Variants in MGAM observed in about 807,000 individuals in gnomAD.
MGAM encodes maltase-glucoamylase, also known as alpha-1,4-glucosidase.
A neutral mutation model predicts 358.8 loss-of-function variants in MGAM; 253 were observed. The ratio of observed to expected loss-of-function variants is 0.71; its 90% CI spans 0.64 to 0.78. The LOEUF (loss-of-function observed/expected upper bound fraction) is 0.78. Among genes scored for constraint, MGAM ranks in the 30% least tolerant of loss-of-function variants. MGAM has a pLI of 0.00. For missense variants in MGAM, 3,080 were observed against 3,432.6 expected, an observed-to-expected ratio of 0.90 and a Z score of 2.57; for synonymous variants, 1,105 against 1,227.1, an observed-to-expected ratio of 0.90 and a Z score of 2.08.
rs1813020883 is a variant in MGAM, at chr7:142,068,263, C to T, written c.5005-384C>T. Among the ~76,000 whole-genome samples the T allele has an allele frequency of 1.4e-5, 2 of 141,348 alleles. 1 individual carries two copies. 92.7% of individuals were successfully genotyped at this position (141,348 alleles called of 152,430 possible). A position where few individuals can be genotyped will look rare whatever the true frequency, so the allele number is the denominator to read the frequency against. On this transcript the variant is annotated intron_variant, in intron 42 of 70. Coordinates refer to ENST00000475668, the MANE Select transcript of MGAM (RefSeq NM_001365693.1). ...CTGCCTGACTTGGACTCCCAAAGAGCTGGGATTACAGGCATGAGCCATCGC... is the reference window on the plus strand; with the variant it reads ...CTGCCTGACTTGGACTCCCAAAGAGTTGGGATTACAGGCATGAGCCATCGC...
At position 142,031,813 on chromosome 7, in the gene MGAM, ATTATTAGG is replaced by A; in HGVS notation, c.1584+22_1584+29del. Reference sequence around the variant, plus strand: ...TGGATTGTGAGTTGTTTACACTTGGATTATTAGGTGACAAATATTCAAATTGTGTATAT... The same window carrying A: ...TGGATTGTGAGTTGTTTACACTTGGATGACAAATATTCAAATTGTGTATAT... On this transcript the variant is annotated intron_variant, in intron 13 of 70. Transcript: ENST00000475668. 2.0e-6 allele frequency: 3 copies of A among 1,481,752 alleles called. No individual in the cohort carries two copies. Among genetic ancestry groups the A allele is most frequent in the Admixed American group, 1.7e-5 (1 of 59,682 alleles). The allele number at this position is 1,481,752 out of a possible 1,614,324, so 91.8% of individuals were successfully genotyped here. A position where few individuals can be genotyped will look rare whatever the true frequency, so the allele number is the denominator to read the frequency against.
chr7:141,987,770 A>C, intron 2 of MGAM, among the ~76,000 whole-genome samples: 1 of 152,242 alleles, frequency 6.6e-6, no homozygotes, highest in African/African-American at 2.4e-5. Flanking sequence ...GAATGAACAA[A>C]CATTTAGTTT....
chr7:142,063,530 G>A lies in MGAM; in HGVS notation c.4289G>A (p.Gly1430Glu), dbSNP rs1348650177. Reference sequence around the variant, plus strand: ...AATGAACCATCAAGCTTCGTGAATGGGGCAGTTTCTCCAGGCTGCAGGGAC... The same window carrying A: ...AATGAACCATCAAGCTTCGTGAATGAGGCAGTTTCTCCAGGCTGCAGGGAC... ...DMNEPSSFVN[G>E]AVSPGCRDAS... Residue 1430 changes from glycine to glutamate, a missense_variant, in exon 36 of 71, where the codon GGG (glycine) becomes GAG (glutamate). Transcript: ENST00000475668. The A allele has an allele frequency of 3.7e-6, 6 of 1,613,758 alleles. No homozygotes were observed. Among genetic ancestry groups the A allele is most frequent in the East Asian group, 4.5e-5 (2 of 44,842 alleles).
At position 142,027,634 on chromosome 7, in the gene MGAM, T is replaced by C. The variant is rs1554461429; in HGVS notation, c.1120T>C (p.Ser374Pro). The C allele has an allele frequency of 6.2e-7, 1 of 1,613,754 alleles. No homozygotes were observed. The highest frequency in any genetic ancestry group is 2.2e-5 in the East Asian group (1 of 44,874). ...GCTCATTGGGCGGCCAGCCCTTCCC[T>C]CCTACTGGGCGCTTGGATTTCACCT... ...LELIGRPALP[S>P]YWALGFHLSR... Residue 374 changes from serine to proline, a missense_variant, in exon 10 of 71, where the codon TCC becomes CCC. Transcript: ENST00000475668.
Position 142,074,891 on chromosome 7 carries a change from C to A in MGAM, c.5275+718C>A. ...ATATGTAGGCATAGTATAATGATTA[C>A]CACAGCTATTTTAATGAACACATCC... On this transcript the variant is annotated intron_variant, in intron 45 of 70. Transcript: ENST00000475668. Among the ~76,000 whole-genome samples, 2 of 146,322 alleles carry A rather than the reference C, an allele frequency of 1.4e-5. 1 individual carries two copies. The highest frequency in any genetic ancestry group is 3.1e-5 in the Non-Finnish European group (2 of 64,608).
chr7:142,041,281 C>G (rs754065245), intron 21 of MGAM, among the ~76,000 whole-genome samples: 24 of 152,066 alleles, frequency 1.6e-4, no homozygotes, highest in Non-Finnish European at 2.9e-4. Flanking sequence ...TAAAGAGGTG[C>G]ACATTTATAT....
intron 1 of MGAM, among the ~76,000 whole-genome samples, chr7:142,000,195 C>T (rs971937441): frequency 9.2e-5 from 14 of 151,974 alleles, no homozygotes; most frequent in African/African-American, 2.7e-4. Context: ...GTGAGTTAGC[C>T]GAGTGGTGCT....
At chr7:142,017,263 C>A (rs1806042307) in intron 3 of MGAM, among the ~76,000 whole-genome samples, 1 of 152,136 alleles carries the variant, frequency 6.6e-6, no homozygotes, top group Admixed American at 6.5e-5. Context: ...ATTTTTAATT[C>A]TCATATCCAA....
chr7:142,067,935 AATAT>A (rs547783903), intron 42 of MGAM, among the ~76,000 whole-genome samples: 320 of 28,698 alleles, frequency 0.011, 7 homozygotes, highest in East Asian at 0.018. Context: ...ACCTCCCTCA[AATAT>A]ATATATATAT....
chr7:142,003,587 A>G (rs1403008347), intron 1 of MGAM, among the ~76,000 whole-genome samples: 1 of 152,122 alleles, frequency 6.6e-6, no homozygotes, highest in Admixed American at 6.6e-5. Flanking sequence ...ACCTGAAACT[A>G]TAAAATTACT....
At chr7:142,058,401 A>G in intron 31 of MGAM, 73 bp downstream of exon 31, 1 of 1,597,426 alleles carries the variant, frequency 6.3e-7, no homozygotes, top group Non-Finnish European at 8.5e-7. Flanking sequence ...CATTTGTCTA[A>G]TGTTTGTTGG....
intron 67 of MGAM, 71 bp from the exon 68 acceptor site, chr7:142,100,731 T>C: frequency 9.1e-6 from 12 of 1,317,168 alleles, no homozygotes; most frequent in Non-Finnish European, 1.2e-5. Context: ...TGCTTTATGT[T>C]TGTATGTAAA....
chr7:142,015,423 T>C (rs1332917867), intron 3 of MGAM, among the ~76,000 whole-genome samples: 1 of 152,102 alleles, frequency 6.6e-6, no homozygotes, highest in Non-Finnish European at 1.5e-5. Context: ...TAACTATGTA[T>C]TCCCATATTA....
At chr7:142,041,911 A>AT (rs1188356070) in intron 21 of MGAM, among the ~76,000 whole-genome samples, 1 of 25,606 alleles carries the variant, frequency 3.9e-5, no homozygotes, top group Non-Finnish European at 6.6e-5. Flanking sequence ...TATATTATAT[A>AT]TATACGTATA....
chr7:142,055,881 TTA>T, intron 28 of MGAM, 117 bp from the exon 29 acceptor site: 2 of 1,452,150 alleles, frequency 1.4e-6, no homozygotes, highest in Non-Finnish European at 1.9e-6. Context: ...TGTGTTTAGT[TTA>T]TGTGTCTAGT....
At chr7:142,062,370 T>C (rs563672905) in intron 34 of MGAM, among the ~76,000 whole-genome samples, 198 bp from the exon 35 acceptor site, 23 of 152,276 alleles carry the variant, frequency 1.5e-4, no homozygotes, top group African/African-American at 3.6e-4. Context: ...TTCCAAATGC[T>C]GGGAAGGTGT....
intron 20 of MGAM, 45 bp downstream of exon 20, chr7:142,040,216 C>A: frequency 7.0e-7 from 1 of 1,437,770 alleles, no homozygotes. Flanking sequence ...ACTGTAGCTG[C>A]AGCTGCATAG....
At chr7:141,993,831 A>T (rs541457159), upstream of MGAM, among the ~76,000 whole-genome samples, 1 of 152,238 alleles carries the variant, frequency 6.6e-6, no homozygotes, top group Non-Finnish European at 1.5e-5. Flanking sequence ...TGAAATTGCA[A>T]TCGCTATTAG....
intron 1 of MGAM, among the ~76,000 whole-genome samples, chr7:142,002,768 A>C (rs567802264): frequency 6.6e-6 from 1 of 152,206 alleles, no homozygotes; most frequent in South Asian, 2.1e-4. Flanking sequence ...CAGGCATCCA[A>C]ACTGGAAAAA....
Sources: allele counts gnomAD v4.1 joint callset (sites outside exome capture counted in the v4.1 genomes callset), GRCh38; gene constraint gnomAD v4.1.1; transcripts MANE v1.5; gene names NCBI Gene and HGNC (gene_info 2026-07-23, HGNC 2026-07-21).